FREM2: variants seen among roughly 807,000 people sequenced by gnomAD.
FREM2 encodes FRAS1-related extracellular matrix protein 2.
FREM2 carries 119 observed loss-of-function variants against 219.9 expected under a neutral mutation model. The ratio of observed to expected loss-of-function variants is 0.54; its 90% CI spans 0.47 to 0.63. FREM2 has a LOEUF of 0.63. FREM2 is among the 30% of genes least tolerant of loss of function. The pLI is 0.00. For synonymous variants in FREM2, 1,562 were observed against 1,522.8 expected (o/e 1.03, Z -0.60); for missense variants, 4,030 against 3,993.6 (o/e 1.01, Z -0.25).
chr13:38,831,660 A>C (rs1000991846), intron 6 of FREM2, among the ~76,000 whole-genome samples: 1 of 142,362 alleles, frequency 7.0e-6, no homozygotes, highest in African/African-American at 2.7e-5. Flanking sequence ...CCCAAGCTGG[A>C]GTTCAGTGGT....
chr13:38,782,000 T>C (rs1192066792), intron 4 of FREM2, among the ~76,000 whole-genome samples: 3 of 152,150 alleles, frequency 2.0e-5, no homozygotes, highest in Non-Finnish European at 4.4e-5. Flanking sequence ...CCAAGTTCCT[T>C]CCTGTATTCC....
At chr13:38,833,716 A>G (rs975468708) in intron 6 of FREM2, among the ~76,000 whole-genome samples, 1 of 152,152 alleles carries the variant, frequency 6.6e-6, no homozygotes, top group African/African-American at 2.4e-5. Flanking sequence ...GTGTCCATCT[A>G]TAGGTAGATG....
intron 6 of FREM2, among the ~76,000 whole-genome samples, chr13:38,823,613 C>T (rs532293174): frequency 6.6e-6 from 1 of 152,158 alleles, no homozygotes; most frequent in African/African-American, 2.4e-5. Flanking sequence ...TCCCTCTCTA[C>T]CTCCTCATTC....
At chr13:38,746,777 C>T (rs1197770044) in intron 2 of FREM2, among the ~76,000 whole-genome samples, 1 of 152,106 alleles carries the variant, frequency 6.6e-6, no homozygotes, top group Non-Finnish European at 1.5e-5. Context: ...TGAGTGGCTG[C>T]CATGAAGGGA....
Position 38,752,974 on chromosome 13 carries a change from G to A in FREM2, c.5264-11330G>A, listed in dbSNP as rs1593385467. ...TGAACAGAGACCTGAAGGCTATTAA[G>A]TTTATTTTAAGAATGTGTTGCCAGA... On this transcript the variant is annotated intron_variant, in intron 2 of 23. Transcript: ENST00000280481. Among the ~76,000 whole-genome samples the A allele has an allele frequency of 2.6e-5, 4 of 152,148 alleles. No individual in the cohort carries two copies. The South Asian group carries it at 8.3e-4, about 32-fold the overall frequency.
chr13:38,690,674 T>C lies in FREM2; in HGVS notation c.3330T>C (p.Pro1110=). 1 of 1,614,002 alleles carries C rather than the reference T, an allele frequency of 6.2e-7. No homozygotes were observed. Among genetic ancestry groups the C allele is most frequent in the South Asian group, 1.1e-5 (1 of 91,086 alleles). ...DDILCTIVIQ[P]TSGYVENISP... is the part of the protein sequence containing the mutation. ...TCTTGTGCACTATAGTTATTCAGCC[T>C]ACTTCAGGTTATGTTGAAAACATTT... Residue 1110 remains proline, a synonymous_variant, in exon 1 of 24, where the codon CCT becomes CCC. Coordinates refer to ENST00000280481, the MANE Select transcript of FREM2 (RefSeq NM_207361.6).
intron 2 of FREM2, among the ~76,000 whole-genome samples, chr13:38,744,090 T>G (rs1205951446): frequency 6.6e-6 from 1 of 152,018 alleles, no homozygotes; most frequent in Non-Finnish European, 1.5e-5. Context: ...CACAAAGATA[T>G]TTTTGAATTT....
chr13:38,807,945 A>G (rs1195180093), intron 6 of FREM2, among the ~76,000 whole-genome samples: 1 of 151,908 alleles, frequency 6.6e-6, no homozygotes, highest in African/African-American at 2.4e-5. Flanking sequence ...TTATTTGGCT[A>G]CGAAAGTCCT....
At chr13:38,775,767 C>T (rs1333736506) in intron 4 of FREM2, among the ~76,000 whole-genome samples, 1 of 152,114 alleles carries the variant, frequency 6.6e-6, no homozygotes, top group African/African-American at 2.4e-5. Flanking sequence ...TACAGGTGCA[C>T]ACCACCATAC....
Position 38,690,594 on chromosome 13 carries a change from G to A in FREM2, c.3250G>A (p.Val1084Ile), listed in dbSNP as rs1413887597. 6.2e-6 allele frequency: 10 copies of A among 1,614,070 alleles called. No individual in the cohort carries two copies. The highest frequency in any genetic ancestry group is 1.1e-5 in the South Asian group (1 of 91,082). The change falls in exon 1 of 24, where the codon GTT becomes ATT. Residue 1084 changes from valine to isoleucine, a missense_variant. By Grantham distance (29) the Val-to-Ile change is conservative (BLOSUM62 3). Transcript: ENST00000280481. ...QLIVMEGDKSVITSVHISAED... is the reference protein window; with the variant it reads ...QLIVMEGDKSIITSVHISAED... ...GATAGTAATGGAAGGTGATAAAAGT[G>A]TTATAACATCAGTGCATATAAGTGC...
intron 1 of FREM2, among the ~76,000 whole-genome samples, chr13:38,696,578 C>A (rs774100649): frequency 2.6e-5 from 4 of 152,114 alleles, no homozygotes; most frequent in Non-Finnish European, 4.4e-5. Flanking sequence ...CTGATTGGCC[C>A]AGATCAATTA....
chr13:38,725,735 T>C (rs1593368018), intron 2 of FREM2, among the ~76,000 whole-genome samples: 1 of 152,332 alleles, frequency 6.6e-6, no homozygotes, highest in East Asian at 1.9e-4. Context: ...AAGGGAAGGA[T>C]ATAATCTAAT....
At chr13:38,829,688 T>C (rs1432689335) in intron 6 of FREM2, among the ~76,000 whole-genome samples, 2 of 151,588 alleles carry the variant, frequency 1.3e-5, no homozygotes, top group East Asian at 3.9e-4. Context: ...TTTTACCTAT[T>C]AAGTGAGTAT....
intron 2 of FREM2, among the ~76,000 whole-genome samples, chr13:38,738,876 T>G (rs1463932387): frequency 6.6e-6 from 1 of 152,308 alleles, no homozygotes; most frequent in South Asian, 2.1e-4. Flanking sequence ...AGTGTCACAC[T>G]GTTAAGATAA....
rs1452848995 is a variant in FREM2, at chr13:38,849,968, A to C, written c.6380-70A>C. 2.2e-5 allele frequency: 28 copies of C among 1,245,408 alleles called. No individual in the cohort carries two copies. The Admixed American group carries it at 4.1e-4, about 18-fold the overall frequency. 77.1% of individuals were successfully genotyped at this position (1,245,408 alleles called of 1,614,324 possible). On this transcript the variant is annotated intron_variant, in intron 8 of 23. Transcript: ENST00000280481. Reference sequence around the variant, plus strand: ...CTTACTTTCCATTATTCTTTCCACTAAATCACATCTTCTGAAATGCCATTT... The same window carrying C: ...CTTACTTTCCATTATTCTTTCCACTCAATCACATCTTCTGAAATGCCATTT...
intron 2 of FREM2, among the ~76,000 whole-genome samples, chr13:38,763,752 A>G (rs1017232461): frequency 3.3e-5 from 5 of 152,294 alleles, no homozygotes; most frequent in Middle Eastern, 3.4e-3. Flanking sequence ...ATGGAAATCA[A>G]TGAAAAGAAC....
intron 4 of FREM2, among the ~76,000 whole-genome samples, chr13:38,778,002 G>C (rs1436959375): frequency 6.6e-6 from 1 of 152,124 alleles, no homozygotes; most frequent in Non-Finnish European, 1.5e-5. Flanking sequence ...AGAAGTCCTG[G>C]CTTGTTTAAT....
intron 16 of FREM2, among the ~76,000 whole-genome samples, chr13:38,871,979 T>G (rs779945106): frequency 4.6e-5 from 7 of 152,206 alleles, no homozygotes; most frequent in Non-Finnish European, 8.8e-5. Context: ...GATCTATGTT[T>G]CATATTCCCT....
At chr13:38,745,026 T>C (rs1872410356) in intron 2 of FREM2, among the ~76,000 whole-genome samples, 1 of 152,220 alleles carries the variant, frequency 6.6e-6, no homozygotes, top group African/African-American at 2.4e-5. Context: ...GGCCCTTGTT[T>C]TCTCTAAAGC....
Sources: allele counts gnomAD v4.1 joint callset (sites outside exome capture counted in the v4.1 genomes callset), GRCh38; gene constraint gnomAD v4.1.1; transcripts MANE v1.5; gene names NCBI Gene and HGNC (gene_info 2026-07-23, HGNC 2026-07-21).